Variants in ZNF891 observed in about 807,000 individuals in gnomAD.
The protein encoded by ZNF891 is hCG1646157.
For missense variants in ZNF891, 589 were observed against 632.7 expected, an observed-to-expected ratio of 0.93 and a Z score of 0.74; for synonymous variants, 199 against 209.0, an observed-to-expected ratio of 0.95 and a Z score of 0.41.
intron 1 of ZNF891, among the ~76,000 whole-genome samples, chr12:133,123,632 CAGG>C (rs1036249647): frequency 7.9e-5 from 12 of 151,706 alleles, no homozygotes; most frequent in African/African-American, 2.7e-4. Context: ...CACTTGAGCC[CAGG>C]AGGTTGAGAC....
rs1329479455 is a variant in ZNF891, at chr12:133,108,811, TATAA to T, written c.*11469_*11472del. ...ACTCTTGTAGGAGAAAAAGCAACTG[TATAA>T]ATGAATGTAGAGTGAATTTCTGCAA... On this transcript the variant is annotated 3_prime_UTR_variant, in exon 2 of 2. Coordinates refer to ENST00000537226, the MANE Select transcript of ZNF891 (RefSeq NM_001277291.2). 4 of 152,342 alleles carry T rather than the reference TATAA, an allele frequency of 2.6e-5. No individual in the cohort carries two copies. The East Asian group carries it at 7.7e-4, about 29-fold the overall frequency. The allele number at this position is 152,342 out of a possible 1,614,324, so 9.4% of individuals were successfully genotyped here. A position where few individuals can be genotyped will look rare whatever the true frequency, so the allele number is the denominator to read the frequency against.
At position 133,121,651 on chromosome 12, in the gene ZNF891, T is replaced by C; in HGVS notation, c.268A>G (p.Thr90Ala). The C allele has an allele frequency of 3.3e-6, 5 of 1,536,456 alleles. No individual in the cohort carries two copies. The highest frequency in any genetic ancestry group is 3.5e-6 in the Non-Finnish European group (4 of 1,146,942). The change falls in exon 2 of 2, where the codon ACT (threonine) becomes GCT (alanine). Residue 90 changes from threonine to alanine, a missense_variant. Physicochemically the swap from Thr to Ala is moderately conservative, Grantham distance 58. Coordinates refer to ENST00000537226, the MANE Select transcript of ZNF891 (RefSeq NM_001277291.2). ...TSVEYQLYRL[T>A]VISPLDQEEI... ...TCTTGATCCAATGGGGAGATCACAG[T>C]AAGCCTGTACAACTGATATTCCACG... is the stretch of plus-strand genomic sequence containing the variant.
intron 1 of ZNF891, among the ~76,000 whole-genome samples, chr12:133,123,955 GA>G (rs1350026895): frequency 6.6e-6 from 1 of 152,140 alleles, no homozygotes; most frequent in African/African-American, 2.4e-5. Flanking sequence ...TTCACTAGGT[GA>G]ATCACCATGG....
intron 1 of ZNF891, among the ~76,000 whole-genome samples, chr12:133,124,789 A>G (rs955371087): frequency 6.7e-6 from 1 of 148,198 alleles, no homozygotes; most frequent in Non-Finnish European, 1.5e-5. Context: ...ATTGAATTCT[A>G]GGTTGTTGTT....
Position 133,121,177 on chromosome 12 carries a change from G to T in ZNF891, c.742C>A (p.His248Asn). The change falls in exon 2 of 2, where the codon CAT becomes AAT. Residue 248 changes from histidine (H) to asparagine (N), a missense_variant. Physicochemically the swap from His to Asn is moderately conservative, Grantham distance 68. Coordinates refer to ENST00000537226, the MANE Select transcript of ZNF891 (RefSeq NM_001277291.2). ...NSISEKLYES[H>N]ECDTTLWHFQ... ...TGCCATAGAGTTGTATCACATTCAT[G>T]ACTTTCATAGAGCTTCTCACTTATA... 2 of 1,535,328 alleles carry T rather than the reference G, an allele frequency of 1.3e-6. No individual in the cohort carries two copies. The highest frequency in any genetic ancestry group is 1.2e-5 in the South Asian group (1 of 83,992).
rs1219888670 is a variant in ZNF891, at chr12:133,112,323, C to G, written c.*7961G>C. On this transcript the variant is annotated 3_prime_UTR_variant, in exon 2 of 2. Transcript: ENST00000537226. ...GTTAAATGTTATTTTCTCATGGAGA[C>G]CTTCTTTTTTTTTTTTGAGACACAG... 7.0e-6 allele frequency: 1 copy of G among 142,524 alleles called. No homozygotes were observed. The highest frequency in any genetic ancestry group is 1.5e-5 in the Non-Finnish European group (1 of 64,650). 8.8% of individuals were successfully genotyped at this position (142,524 alleles called of 1,614,324 possible).
In ZNF891 at chr12:133,116,314, C is replaced by CA. The variant is rs1231457393; in HGVS notation, c.*3969dup. The CA allele has an allele frequency of 2.0e-5, 3 of 152,304 alleles. No homozygotes were observed. The highest frequency in any genetic ancestry group is 6.5e-5 in the Admixed American group (1 of 15,270). The allele number at this position is 152,304 out of a possible 1,614,324, so 9.4% of individuals were successfully genotyped here. A position where few individuals can be genotyped will look rare whatever the true frequency, so the allele number is the denominator to read the frequency against. On this transcript the variant is annotated 3_prime_UTR_variant, in exon 2 of 2. Coordinates refer to ENST00000537226, the MANE Select transcript of ZNF891 (RefSeq NM_001277291.2). The stretch of plus-strand genomic sequence containing the variant: ...AGAGACGAGGTTTCATCATGTTAGC[C>CA]AGGATGGTCTCAATCTCCTGACCTC...
chr12:133,125,741 T>C (rs1955808800), intron 1 of ZNF891: 2 of 419,152 alleles, frequency 4.8e-6, no homozygotes, highest in South Asian at 1.9e-5. Flanking sequence ...ATGAAGAGGA[T>C]AGAAGGTAAC....
At chr12:133,125,957 A>G (rs1593830799) in intron 1 of ZNF891, 1 of 433,418 alleles carries the variant, frequency 2.3e-6, no homozygotes, top group East Asian at 5.9e-5. Flanking sequence ...ATCTAAACTG[A>G]GTCCAGCTGG....
chr12:133,108,066 GTACA>G lies in ZNF891; in HGVS notation c.*12214_*12217del, dbSNP rs1027027825. The G allele has an allele frequency of 2.0e-5, 3 of 152,086 alleles. No individual in the cohort carries two copies. Among genetic ancestry groups the G allele is most frequent in the Non-Finnish European group, 4.4e-5 (3 of 68,012 alleles). The allele number at this position is 152,086 out of a possible 1,614,324, so 9.4% of individuals were successfully genotyped here. A position where few individuals can be genotyped will look rare whatever the true frequency, so the allele number is the denominator to read the frequency against. On this transcript the variant is annotated 3_prime_UTR_variant, in exon 2 of 2. Coordinates refer to ENST00000537226, the MANE Select transcript of ZNF891 (RefSeq NM_001277291.2). The stretch of plus-strand genomic sequence containing the variant: ...AACCTGCCATTGGCATGCCATATTG[GTACA>G]TACATTTAGAAGCTTCTCAAGTTTC...
In ZNF891 at chr12:133,108,090, A is replaced by G. The variant is rs1955651408; in HGVS notation, c.*12194T>C. The G allele has an allele frequency of 6.6e-6, 1 of 152,170 alleles. No individual in the cohort carries two copies. Among genetic ancestry groups the G allele is most frequent in the African/African-American group, 2.4e-5 (1 of 41,444 alleles). The allele number at this position is 152,170 out of a possible 1,614,324, so 9.4% of individuals were successfully genotyped here. On this transcript the variant is annotated 3_prime_UTR_variant, in exon 2 of 2. Coordinates refer to ENST00000537226, the MANE Select transcript of ZNF891 (RefSeq NM_001277291.2). ...GGTACATACATTTAGAAGCTTCTCA[A>G]GTTTCCATAAGAGTTGTTTCAGAGA... is the stretch of plus-strand genomic sequence containing the variant.
chr12:133,110,254 T>TAAACGTCTAAA lies in ZNF891; in HGVS notation c.*10029_*10030insTTTAGACGTTT, dbSNP rs1344695851. 1 of 152,160 alleles carries TAAACGTCTAAA rather than the reference T, an allele frequency of 6.6e-6. No homozygotes were observed. The highest frequency in any genetic ancestry group is 2.4e-5 in the African/African-American group (1 of 41,424). 9.4% of individuals were successfully genotyped at this position (152,160 alleles called of 1,614,324 possible). A position where few individuals can be genotyped will look rare whatever the true frequency, so the allele number is the denominator to read the frequency against. ...GAGGGAGACGTTTAAAAGATGAGTC[T>TAAACGTCTAAA]AGGAATATTGCAAAAGTAGTAAAAG... On this transcript the variant is annotated 3_prime_UTR_variant, in exon 2 of 2. Transcript: ENST00000537226.
In ZNF891 at chr12:133,106,405, G is replaced by C. The variant is rs779753365; in HGVS notation, c.*13879C>G. The C allele has an allele frequency of 6.2e-7, 1 of 1,614,106 alleles. No homozygotes were observed. The highest frequency in any genetic ancestry group is 1.7e-5 in the Admixed American group (1 of 60,018). On this transcript the variant is annotated 3_prime_UTR_variant, in exon 2 of 2. Coordinates refer to ENST00000537226, the MANE Select transcript of ZNF891 (RefSeq NM_001277291.2). ...GGCATGCATCCCTTATTCAACATAC[G>C]AAGAGTCACACTGGAGAGAAACCCT...
At position 133,121,953 on chromosome 12, in the gene ZNF891, G is replaced by C; in HGVS notation, c.-35C>G. ...ACATAAGCCTGCACAGTAGAGTAGA[G>C]AGATCAGGATGTTTCTGTTCTTGTG... On this transcript the variant is annotated 5_prime_UTR_variant, in exon 2 of 2. Transcript: ENST00000537226. 1 of 1,484,252 alleles carries C rather than the reference G, an allele frequency of 6.7e-7. No homozygotes were observed. Among genetic ancestry groups the C allele is most frequent in the Non-Finnish European group, 8.9e-7 (1 of 1,120,520 alleles). 91.9% of individuals were successfully genotyped at this position (1,484,252 alleles called of 1,614,324 possible).
rs1955660915 is a variant in ZNF891 at position 133,109,025 on chromosome 12, TAGCTATC to T, written c.*11252_*11258del. ...ATATAAAATACGTGAACACTAATGA[TAGCTATC>T]AGTTATTGTGGCTCAAGAAAATTCT... On this transcript the variant is annotated 3_prime_UTR_variant, in exon 2 of 2. Transcript: ENST00000537226. The T allele has an allele frequency of 6.6e-6, 1 of 152,184 alleles. No individual in the cohort carries two copies. The highest frequency in any genetic ancestry group is 6.5e-5 in the Admixed American group (1 of 15,290). 9.4% of individuals were successfully genotyped at this position (152,184 alleles called of 1,614,324 possible).
chr12:133,105,432 G>A lies in ZNF891; in HGVS notation c.*14852C>T, dbSNP rs928731179. 2 of 1,409,946 alleles carry A rather than the reference G, an allele frequency of 1.4e-6. No homozygotes were observed. The highest frequency in any genetic ancestry group is 2.9e-5 in the African/African-American group (2 of 68,940). 87.3% of individuals were successfully genotyped at this position (1,409,946 alleles called of 1,614,324 possible). On this transcript the variant is annotated 3_prime_UTR_variant, in exon 2 of 2. Transcript: ENST00000537226. ...AGATTTTTTGAAACTTCATTCTGTT[G>A]CTAAAGAAGGGAGAAATGGCCTTAT... is the stretch of plus-strand genomic sequence containing the variant.
chr12:133,108,312 TCAGG>T lies in ZNF891; in HGVS notation c.*11968_*11971del, dbSNP rs1955653754. 1 of 151,844 alleles carries T rather than the reference TCAGG, an allele frequency of 6.6e-6. No homozygotes were observed. The highest frequency in any genetic ancestry group is 1.5e-5 in the Non-Finnish European group (1 of 67,968). 9.4% of individuals were successfully genotyped at this position (151,844 alleles called of 1,614,324 possible). A position where few individuals can be genotyped will look rare whatever the true frequency, so the allele number is the denominator to read the frequency against. On this transcript the variant is annotated 3_prime_UTR_variant, in exon 2 of 2. Transcript: ENST00000537226. ...GTATCTAGTATCTGATTTGGTTTTC[TCAGG>T]CAGGAATGGTTTGTATCAGGGTAAA...
At position 133,117,111 on chromosome 12, in the gene ZNF891, A is replaced by G. The variant is rs76390359; in HGVS notation, c.*3173T>C. 6.6e-6 allele frequency: 1 copy of G among 152,182 alleles called. No individual in the cohort carries two copies. Among genetic ancestry groups the G allele is most frequent in the Non-Finnish European group, 1.5e-5 (1 of 68,042 alleles). The allele number at this position is 152,182 out of a possible 1,614,324, so 9.4% of individuals were successfully genotyped here. ...ACTGATGGCTCTATTGATAACTTGG[A>G]AGGACTTTCAAATACATAGAGATCT... is the stretch of plus-strand genomic sequence containing the variant. On this transcript the variant is annotated 3_prime_UTR_variant, in exon 2 of 2. Transcript: ENST00000537226.
At position 133,120,872 on chromosome 12, in the gene ZNF891, TTCATATTGTTTC is replaced by T. The variant is rs750551450; in HGVS notation, c.1035_1046del (p.Lys346_Glu349del). On this transcript the variant is annotated inframe_deletion, in exon 2 of 2. Transcript: ENST00000537226. The stretch of plus-strand genomic sequence containing the variant: ...TGAACACTTTACCACATTCTTTACA[TTCATATTGTTTC>T]TCACCCATGTGACTTTTCTTGTATA... 6.5e-7 allele frequency: 1 copy of T among 1,542,350 alleles called. No individual in the cohort carries two copies. The highest frequency in any genetic ancestry group is 8.7e-7 in the Non-Finnish European group (1 of 1,147,446).
Sources: allele counts gnomAD v4.1 joint callset (sites outside exome capture counted in the v4.1 genomes callset), GRCh38; gene constraint gnomAD v4.1.1; transcripts MANE v1.5; gene names NCBI Gene and HGNC (gene_info 2026-07-23, HGNC 2026-07-21).